Variants in RBFOX1 observed in about 807,000 individuals in gnomAD.
RBFOX1 encodes the protein RNA binding protein fox-1 homolog 1.
In RBFOX1, 8 loss-of-function variants were observed where a neutral mutation model predicts 57.7. The ratio of observed to expected loss-of-function variants is 0.14; its 90% CI spans 0.08 to 0.25. The LOEUF (loss-of-function observed/expected upper bound fraction) is 0.25. RBFOX1 is among the 10% of genes least tolerant of loss of function. The probability of loss-of-function intolerance (pLI) is 1.00; values close to 1 mark genes in which losing one functional copy is unlikely to be tolerated. For missense variants in RBFOX1, 611 were observed against 548.5 expected (o/e 1.11, Z -1.14); for synonymous variants, 326 against 222.4 (o/e 1.47, Z -4.15).
chr16:5,597,277 C>G (rs148297433), intron 2 of RBFOX1, among the ~76,000 whole-genome samples: 14 of 146,452 alleles, frequency 9.6e-5, no homozygotes, highest in African/African-American at 3.6e-4. Flanking sequence ...GTCCTTCCCT[C>G]TTTCTCTCCG....
At chr16:6,236,326 G>C (rs1049850622) in intron 1 of RBFOX1, among the ~76,000 whole-genome samples, 1 of 152,110 alleles carries the variant, frequency 6.6e-6, no homozygotes, top group Non-Finnish European at 1.5e-5. Context: ...AGGACTAATA[G>C]TACCTAACTC....
intron 3 of RBFOX1, among the ~76,000 whole-genome samples, chr16:6,726,784 A>T (rs549198607): frequency 6.6e-6 from 1 of 151,930 alleles, no homozygotes; most frequent in Non-Finnish European, 1.5e-5. Context: ...CGTAATTGCT[A>T]TGTTCCCTAC....
intron 4 of RBFOX1, among the ~76,000 whole-genome samples, chr16:5,964,424 C>G (rs901732597): frequency 6.6e-6 from 1 of 152,164 alleles, no homozygotes; most frequent in African/African-American, 2.4e-5. Flanking sequence ...AAAGAGAGGA[C>G]TGCACTTCCA....
At chr16:6,526,086 A>C (rs138162723) in intron 2 of RBFOX1, among the ~76,000 whole-genome samples, 1 of 152,162 alleles carries the variant, frequency 6.6e-6, no homozygotes, top group African/African-American at 2.4e-5. Flanking sequence ...CATTCCTTGG[A>C]TGTGCGATAG....
At chr16:5,547,485 TCA>T (rs1567216420) in intron 2 of RBFOX1, among the ~76,000 whole-genome samples, 1 of 151,534 alleles carries the variant, frequency 6.6e-6, no homozygotes, top group African/African-American at 2.4e-5. Context: ...ATCTTTATGC[TCA>T]GTGAAAGATG....
chr16:6,418,028 C>T (rs1000012217), intron 2 of RBFOX1, among the ~76,000 whole-genome samples: 1 of 152,088 alleles, frequency 6.6e-6, no homozygotes, highest in Non-Finnish European at 1.5e-5. Context: ...AGACACAGGC[C>T]AAGCCTTCAA....
rs2078324108 is a variant in RBFOX1, at chr16:6,771,692, G to C, written c.-16+117042G>C. Reference sequence around the variant, plus strand: ...GCATTTTTGATTGTCATAATTAGTGGAGCAAGGCACTATAATGCTACTGGC... The same window carrying C: ...GCATTTTTGATTGTCATAATTAGTGCAGCAAGGCACTATAATGCTACTGGC... On this transcript the variant is annotated intron_variant, in intron 3 of 15. Coordinates refer to ENST00000550418, the MANE Select transcript of RBFOX1 (RefSeq NM_018723.4). 2.0e-5 allele frequency among the ~76,000 whole-genome samples: 3 copies of C among 152,164 alleles called. No individual in the cohort carries two copies. In the South Asian group the frequency reaches 6.2e-4, roughly 32 times the overall value.
chr16:6,047,655 C>T (rs79635188), intron 1 of RBFOX1, among the ~76,000 whole-genome samples: 3,650 of 152,262 alleles, frequency 0.024, 63 homozygotes, highest in Non-Finnish European at 0.039. Flanking sequence ...TGGAATGGTT[C>T]AGAGTGAATG....
chr16:5,953,618 C>G lies in RBFOX1; in HGVS notation c.351+86283C>G, dbSNP rs943395988. On this transcript the variant is annotated intron_variant, in intron 4 of 19. Transcript: ENST00000641259. ...TTGGTCTTCCATTCCTGAGTTAGTT[C>G]ACTTAGAATAATAGTCTCTAATCTC... Among the ~76,000 whole-genome samples, 4 of 151,888 alleles carry G rather than the reference C, an allele frequency of 2.6e-5. 1 individual carries two copies. Among genetic ancestry groups the G allele is most frequent in the Non-Finnish European group, 5.9e-5 (4 of 67,982 alleles).
chr16:6,430,766 G>A (rs2094056286), intron 2 of RBFOX1, among the ~76,000 whole-genome samples: 1 of 152,044 alleles, frequency 6.6e-6, no homozygotes, highest in Admixed American at 6.6e-5. Flanking sequence ...TTGCATTTTA[G>A]AAAGGCCACT....
intron 3 of RBFOX1, among the ~76,000 whole-genome samples, chr16:5,761,678 C>G (rs951948881): frequency 1.3e-5 from 2 of 152,150 alleles, no homozygotes; most frequent in Admixed American, 6.5e-5. Flanking sequence ...TCACCGGGTC[C>G]TTTCCAGCAC....
chr16:6,899,251 G>T (rs887623263), intron 3 of RBFOX1, among the ~76,000 whole-genome samples: 4 of 151,892 alleles, frequency 2.6e-5, no homozygotes, highest in African/African-American at 9.7e-5. Flanking sequence ...GTATGTTTGC[G>T]TGCATGTGTG....
rs80289560 is a variant in RBFOX1, at chr16:7,204,682, A to T, written c.27+152584A>T. Among the ~76,000 whole-genome samples, 18 of 152,300 alleles carry T rather than the reference A, an allele frequency of 1.2e-4. No individual in the cohort carries two copies. In the East Asian group the frequency reaches 3.5e-3, roughly 29 times the overall value. On this transcript the variant is annotated intron_variant, in intron 4 of 15. Transcript: ENST00000550418. ...AATGAAAAAGTTCCTCACTGTTCTA[A>T]GACATCAGGGATTATTCACTGGCAT...
At chr16:5,651,070 T>TTTTTTGA (rs2049223604) in intron 3 of RBFOX1, among the ~76,000 whole-genome samples, 1 of 116,778 alleles carries the variant, frequency 8.6e-6, no homozygotes, top group Non-Finnish European at 1.7e-5. Flanking sequence ...TTTTTTTTTT[T>TTTTTTGA]GAGACAGGGT....
chr16:6,880,573 G>C (rs369512786), intron 3 of RBFOX1, among the ~76,000 whole-genome samples: 2 of 152,142 alleles, frequency 1.3e-5, no homozygotes, highest in African/African-American at 2.4e-5. Flanking sequence ...GAGAAGGCCA[G>C]AATCTGTTTT....
intron 2 of RBFOX1, among the ~76,000 whole-genome samples, chr16:6,646,696 G>A (rs1568027614): frequency 6.6e-6 from 1 of 151,926 alleles, no homozygotes; most frequent in Admixed American, 6.6e-5. Flanking sequence ...TCCTCACCTC[G>A]TTTCTCAGTG....
chr16:6,006,352 ATTTG>A (rs1279011139), intron 4 of RBFOX1, among the ~76,000 whole-genome samples: 1 of 149,680 alleles, frequency 6.7e-6, no homozygotes, highest in Non-Finnish European at 1.5e-5. Context: ...ACACACAAGG[ATTTG>A]TTTGAGCCCT....
intron 3 of RBFOX1, among the ~76,000 whole-genome samples, chr16:6,686,855 T>C (rs1568214351): frequency 1.3e-5 from 2 of 152,222 alleles, no homozygotes; most frequent in South Asian, 4.1e-4. Flanking sequence ...TGCTACTGTG[T>C]TGTATTTTGA....
intron 3 of RBFOX1, among the ~76,000 whole-genome samples, chr16:7,010,553 T>C (rs958009900): frequency 6.6e-6 from 1 of 151,644 alleles, no homozygotes; most frequent in African/African-American, 2.4e-5. Flanking sequence ...TTTTTGTTTG[T>C]TTGTTTCTTT....
Sources: gnomAD v4.1 joint callset for allele counts (sites outside exome capture counted in the v4.1 genomes callset) on GRCh38, gnomAD v4.1.1 for gene constraint, MANE v1.5 for transcripts, NCBI Gene and HGNC (gene_info 2026-07-23, HGNC 2026-07-21) for gene names.